NIPAL2: variants seen among roughly 807,000 people sequenced by gnomAD.
The protein encoded by NIPAL2 is NIPA like domain containing 2.
In NIPAL2, 43 loss-of-function variants were observed where a neutral mutation model predicts 48.9. The ratio of observed to expected loss-of-function variants is 0.88; its 90% CI spans 0.69 to 1.13. The LOEUF (loss-of-function observed/expected upper bound fraction) is 1.13. Ranked by LOEUF, NIPAL2 falls within the 50% of genes most tolerant of loss-of-function variation. The pLI is 0.00. For missense variants in NIPAL2, 446 were observed against 461.4 expected (o/e 0.97, Z 0.31); for synonymous variants, 167 against 174.6 (o/e 0.96, Z 0.34).
intron 6 of NIPAL2, 93 bp from the exon 7 acceptor site, chr8:98,205,339 C>A: frequency 8.9e-7 from 1 of 1,120,094 alleles, no homozygotes; most frequent in South Asian, 1.5e-5. Flanking sequence ...GCAAATATAC[C>A]AATTATGGTT....
At chr8:98,209,445 C>CAAAAAAAAAAAA (rs33923448) in intron 6 of NIPAL2, among the ~76,000 whole-genome samples, 4 of 70,512 alleles carry the variant, frequency 5.7e-5, no homozygotes, top group African/African-American at 1.2e-4. Context: ...CCTGTCTCTC[C>CAAAAAAAAAAAA]AAAAAAAAAA....
chr8:98,235,776 A>G (rs955608585), intron 4 of NIPAL2, among the ~76,000 whole-genome samples: 10 of 151,780 alleles, frequency 6.6e-5, no homozygotes, highest in Non-Finnish European at 1.3e-4. Context: ...TAAAGTGCCT[A>G]AAGTATTTGT....
intron 3 of NIPAL2, among the ~76,000 whole-genome samples, chr8:98,242,299 C>G (rs567188163): frequency 1.3e-5 from 2 of 151,844 alleles, no homozygotes; most frequent in South Asian, 4.2e-4. Flanking sequence ...CCCACCTCAG[C>G]CTCCCAAGGA....
rs529016135 is a variant in NIPAL2 at position 98,213,445 on chromosome 8, A to C, written c.559-944T>G. On this transcript the variant is annotated intron_variant, in intron 5 of 10. Coordinates refer to ENST00000430223, the MANE Select transcript of NIPAL2 (RefSeq NM_001321635.2). ...GTAAAAATATAAACTAGACCCATTC[A>C]TTCCTTTGCTGAAACCTCCTGTGGT... Among the ~76,000 whole-genome samples the C allele has an allele frequency of 7.2e-5, 11 of 152,222 alleles. No homozygotes were observed. In the South Asian group the frequency reaches 1.7e-3, roughly 23 times the overall value.
intron 4 of NIPAL2, among the ~76,000 whole-genome samples, chr8:98,225,524 G>A (rs1812129083): frequency 6.6e-6 from 1 of 152,214 alleles, no homozygotes; most frequent in South Asian, 2.1e-4. Context: ...GCCGAAAGGA[G>A]TAATCTGGAC....
intron 3 of NIPAL2, among the ~76,000 whole-genome samples, chr8:98,240,759 C>T (rs1304846858): frequency 6.6e-6 from 1 of 152,168 alleles, no homozygotes; most frequent in African/African-American, 2.4e-5. Context: ...TGTTTTGTTA[C>T]TCAGAGTATC....
In NIPAL2 at chr8:98,192,759, A is replaced by C. The variant is rs111321772; in HGVS notation, c.*219T>G. On this transcript the variant is annotated 3_prime_UTR_variant, in exon 11 of 11. Coordinates refer to ENST00000430223, the MANE Select transcript of NIPAL2 (RefSeq NM_001321635.2). ...CTAGATAATCACTAGGGAGAGGTCC[A>C]GGGTGTGGGGAACACTCCAAATCAC... The C allele has an allele frequency of 1.8e-6, 1 of 567,526 alleles. No individual in the cohort carries two copies. Among genetic ancestry groups the C allele is most frequent in the Non-Finnish European group, 3.1e-6 (1 of 318,220 alleles). 35.2% of individuals were successfully genotyped at this position (567,526 alleles called of 1,614,324 possible). A position where few individuals can be genotyped will look rare whatever the true frequency, so the allele number is the denominator to read the frequency against.
intron 5 of NIPAL2, among the ~76,000 whole-genome samples, chr8:98,222,097 T>C (rs768758898): frequency 1.3e-3 from 194 of 152,200 alleles, no homozygotes; most frequent in Non-Finnish European, 2.4e-3. Flanking sequence ...TGGAATACTA[T>C]GTAGCCATAA....
At chr8:98,196,175 C>A (rs1412331400) in intron 8 of NIPAL2, among the ~76,000 whole-genome samples, 170 bp from the exon 9 acceptor site, 4 of 152,174 alleles carry the variant, frequency 2.6e-5, no homozygotes, top group African/African-American at 9.7e-5. Flanking sequence ...GCCACACATT[C>A]TGAATTATTC....
chr8:98,234,567 G>C (rs1184739137), intron 4 of NIPAL2, among the ~76,000 whole-genome samples: 1 of 151,802 alleles, frequency 6.6e-6, no homozygotes, highest in African/African-American at 2.4e-5. Flanking sequence ...TTCTTTTTGA[G>C]ATAGAGTCTC....
intron 1 of NIPAL2, among the ~76,000 whole-genome samples, chr8:98,289,703 T>C (rs950590934): frequency 6.6e-6 from 1 of 152,022 alleles, no homozygotes; most frequent in African/African-American, 2.4e-5. Context: ...GGAAAAAATG[T>C]CACATTGGAT....
At chr8:98,248,012 T>C (rs1288547661) in intron 3 of NIPAL2, among the ~76,000 whole-genome samples, 2 of 152,236 alleles carry the variant, frequency 1.3e-5, no homozygotes, top group African/African-American at 2.4e-5. Context: ...AGCAAGAAGA[T>C]GGAAAACCGT....
chr8:98,235,595 A>C (rs1331779135), intron 4 of NIPAL2, among the ~76,000 whole-genome samples: 2 of 151,994 alleles, frequency 1.3e-5, no homozygotes, highest in Admixed American at 1.3e-4. Flanking sequence ...GGTAACACAA[A>C]TGTTTTCATT....
chr8:98,223,701 C>T (rs1240495120), intron 4 of NIPAL2, among the ~76,000 whole-genome samples: 1 of 152,162 alleles, frequency 6.6e-6, no homozygotes, highest in East Asian at 1.9e-4. Context: ...AAAAGCTAGA[C>T]AACAGCAATT....
chr8:98,248,906 G>T (rs1008200488), intron 3 of NIPAL2, among the ~76,000 whole-genome samples: 6 of 152,162 alleles, frequency 3.9e-5, no homozygotes, highest in Non-Finnish European at 7.4e-5. Flanking sequence ...CCAGGCCTGG[G>T]CATCCCTGTG....
intron 1 of NIPAL2, among the ~76,000 whole-genome samples, chr8:98,257,013 C>G (rs927779090): frequency 2.6e-5 from 4 of 152,058 alleles, no homozygotes; most frequent in African/African-American, 9.7e-5. Context: ...CATGGATGAA[C>G]CTTATAAACC....
At chr8:98,273,658 AC>A (rs1815274416) in intron 1 of NIPAL2, among the ~76,000 whole-genome samples, 4 of 152,206 alleles carry the variant, frequency 2.6e-5, no homozygotes, top group Middle Eastern at 3.4e-3. Context: ...TCTCAGAGAT[AC>A]GTAATTTTCT....
At chr8:98,195,828 A>T in intron 9 of NIPAL2, 114 bp downstream of exon 9, 1 of 679,934 alleles carries the variant, frequency 1.5e-6, no homozygotes, top group Non-Finnish European at 2.5e-6. Context: ...GGAGCTCAGG[A>T]AACTGATGTT....
intron 3 of NIPAL2, 27 bp downstream of exon 3, chr8:98,252,436 T>C: frequency 1.3e-6 from 2 of 1,544,032 alleles, no homozygotes; most frequent in South Asian, 2.5e-5. Context: ...TTTAAGTTTC[T>C]ATTTGTCAAA....
Sources: gnomAD v4.1 joint callset for allele counts (sites outside exome capture counted in the v4.1 genomes callset) on GRCh38, gnomAD v4.1.1 for gene constraint, MANE v1.5 for transcripts, NCBI Gene and HGNC (gene_info 2026-07-23, HGNC 2026-07-21) for gene names.